The following ENOPH1 variants were observed in gnomAD, a reference collection of about 807,000 sequenced individuals.
The protein encoded by ENOPH1 is enolase-phosphatase 1.
ENOPH1 carries 14 observed loss-of-function variants against 31.1 expected under a neutral mutation model. The observed-to-expected ratio is 0.45, with a 90% confidence interval of 0.30 to 0.70. The LOEUF (loss-of-function observed/expected upper bound fraction) is 0.70. ENOPH1 is among the 30% of genes least tolerant of loss of function. The pLI is 0.09. For missense variants in ENOPH1, 243 were observed against 321.5 expected, an observed-to-expected ratio of 0.76 and a Z score of 1.87; for synonymous variants, 127 against 123.2, an observed-to-expected ratio of 1.03 and a Z score of -0.21.
intron 5 of ENOPH1, 127 bp downstream of exon 5, chr4:82,457,165 A>G (rs1234695235): frequency 5.5e-6 from 5 of 916,504 alleles, no homozygotes; most frequent in Non-Finnish European, 7.7e-6. Context: ...TTACGGTTTT[A>G]TATAAAGAAA....
intron 1 of ENOPH1, among the ~76,000 whole-genome samples, chr4:82,431,408 G>A (rs922406677): frequency 3.3e-5 from 5 of 152,194 alleles, no homozygotes; most frequent in Non-Finnish European, 7.3e-5. Flanking sequence ...GTTCCTCTTC[G>A]CCCCTTCCCA....
chr4:82,452,120 C>A (rs1184756791), intron 3 of ENOPH1, among the ~76,000 whole-genome samples: 7 of 151,382 alleles, frequency 4.6e-5, no homozygotes, highest in African/African-American at 1.7e-4. Context: ...GCTCTGTGAT[C>A]CACACTGGAG....
chr4:82,433,684 T>A (rs901852235), intron 1 of ENOPH1, among the ~76,000 whole-genome samples: 1 of 152,234 alleles, frequency 6.6e-6, no homozygotes, highest in African/African-American at 2.4e-5. Flanking sequence ...TGAGTTCAAA[T>A]AGATTTCTTT....
chr4:82,453,048 T>C (rs998346192), intron 3 of ENOPH1, among the ~76,000 whole-genome samples: 67 of 151,976 alleles, frequency 4.4e-4, no homozygotes, highest in Non-Finnish European at 8.2e-4. Context: ...ACTACAGGCG[T>C]GTGCCACCAC....
intron 1 of ENOPH1, among the ~76,000 whole-genome samples, chr4:82,440,198 T>A (rs542284796): frequency 6.6e-6 from 1 of 152,342 alleles, no homozygotes; most frequent in East Asian, 1.9e-4. Context: ...TTACTATAAC[T>A]ACTTGAATTA....
chr4:82,453,846 T>C (rs1262905250), intron 3 of ENOPH1, among the ~76,000 whole-genome samples: 1 of 152,158 alleles, frequency 6.6e-6, no homozygotes, highest in Non-Finnish European at 1.5e-5. Context: ...TGTGAGTTGG[T>C]ACAAGTCTCA....
rs566141900 is a variant in ENOPH1 at position 82,442,380 on chromosome 4, C to T, written c.85-5540C>T. ...ACTAAAAATGCAAAAATCAGTTGGGCGTGGTGGCACACACCTGTAATCCCA... is the reference window on the plus strand; with the variant it reads ...ACTAAAAATGCAAAAATCAGTTGGGTGTGGTGGCACACACCTGTAATCCCA... On this transcript the variant is annotated intron_variant, in intron 1 of 5. Coordinates refer to ENST00000273920, the MANE Select transcript of ENOPH1 (RefSeq NM_021204.5). Among the ~76,000 whole-genome samples, 9 of 152,104 alleles carry T rather than the reference C, an allele frequency of 5.9e-5. No homozygotes were observed. The South Asian group carries it at 8.3e-4, about 14-fold the overall frequency.
intron 5 of ENOPH1, among the ~76,000 whole-genome samples, chr4:82,457,453 G>T (rs891006002): frequency 5.3e-5 from 8 of 152,200 alleles, no homozygotes; most frequent in Non-Finnish European, 7.3e-5. Flanking sequence ...GGTCGAGGCC[G>T]CAGTGAGCCG....
At chr4:82,459,698 A>T (rs748565030) in intron 5 of ENOPH1, among the ~76,000 whole-genome samples, 3 of 152,216 alleles carry the variant, frequency 2.0e-5, no homozygotes, top group Non-Finnish European at 4.4e-5. Flanking sequence ...TTCTGCATTC[A>T]TAAGTACTTA....
At chr4:82,459,735 T>C (rs1722596044) in intron 5 of ENOPH1, among the ~76,000 whole-genome samples, 2 of 152,176 alleles carry the variant, frequency 1.3e-5, no homozygotes, top group South Asian at 4.1e-4. Context: ...TAGGATACAC[T>C]GCCATTCTCT....
At chr4:82,451,340 G>C (rs1722346050) in intron 3 of ENOPH1, 95 bp downstream of exon 3, 1 of 1,177,196 alleles carries the variant, frequency 8.5e-7, no homozygotes. Flanking sequence ...CACAAGACTG[G>C]TAAAACAGAT....
intron 4 of ENOPH1, among the ~76,000 whole-genome samples, chr4:82,456,527 C>G (rs76528839): frequency 6.6e-6 from 1 of 152,030 alleles, no homozygotes; most frequent in Admixed American, 6.6e-5. Context: ...ATTTTTTCAT[C>G]GTAAGATTAA....
intron 5 of ENOPH1, 148 bp from the exon 6 acceptor site, chr4:82,459,833 A>G (rs770116477): frequency 4.0e-5 from 29 of 721,692 alleles, no homozygotes; most frequent in Non-Finnish European, 6.6e-5. Flanking sequence ...AGTCAACCCC[A>G]GGGTGCCCAT....
chr4:82,432,724 C>G (rs1220643723), intron 1 of ENOPH1, among the ~76,000 whole-genome samples: 1 of 152,176 alleles, frequency 6.6e-6, no homozygotes, highest in Non-Finnish European at 1.5e-5. Context: ...GGTGCAACCT[C>G]TGCTTCCGGG....
chr4:82,458,404 G>C (rs992367023), intron 5 of ENOPH1, among the ~76,000 whole-genome samples: 1 of 152,116 alleles, frequency 6.6e-6, no homozygotes, highest in Non-Finnish European at 1.5e-5. Flanking sequence ...CTACTCGGCT[G>C]GGGGCTGAGG....
chr4:82,434,088 C>T (rs1721843245), intron 1 of ENOPH1, among the ~76,000 whole-genome samples: 1 of 152,142 alleles, frequency 6.6e-6, no homozygotes, highest in Non-Finnish European at 1.5e-5. Context: ...AACAAAGCCT[C>T]TGAAAAGTTG....
At chr4:82,459,621 T>C (rs987989469) in intron 5 of ENOPH1, among the ~76,000 whole-genome samples, 1 of 152,052 alleles carries the variant, frequency 6.6e-6, no homozygotes, top group Non-Finnish European at 1.5e-5. Flanking sequence ...GGGAAACAGC[T>C]CAGTTCTCGG....
intron 3 of ENOPH1, among the ~76,000 whole-genome samples, chr4:82,452,022 C>T (rs1274125944): frequency 6.6e-6 from 1 of 151,958 alleles, no homozygotes; most frequent in Non-Finnish European, 1.5e-5. Context: ...CTTGAGCGAT[C>T]TGCCTGCCTT....
intron 1 of ENOPH1, among the ~76,000 whole-genome samples, chr4:82,433,978 G>A (rs985005698): frequency 6.6e-6 from 1 of 152,110 alleles, no homozygotes; most frequent in African/African-American, 2.4e-5. Flanking sequence ...GTGGAATGAT[G>A]GAAGGAAACA....
Sources: gnomAD v4.1 joint callset for allele counts (sites outside exome capture counted in the v4.1 genomes callset) on GRCh38, gnomAD v4.1.1 for gene constraint, MANE v1.5 for transcripts, NCBI Gene and HGNC (gene_info 2026-07-23, HGNC 2026-07-21) for gene names.